TENM2: variants seen among roughly 807,000 people sequenced by gnomAD.
The protein encoded by TENM2 is teneurin-2.
TENM2 carries 52 observed loss-of-function variants against 245.2 expected under a neutral mutation model. That is an observed-to-expected ratio of 0.21 (90% CI 0.17 to 0.27). TENM2 has a LOEUF of 0.27. TENM2 is among the 10% of genes least tolerant of loss of function. The pLI is 1.00. For missense variants in TENM2, 3,046 were observed against 3,666.8 expected, an observed-to-expected ratio of 0.83 and a Z score of 4.37; for synonymous variants, 1,363 against 1,438.9, an observed-to-expected ratio of 0.95 and a Z score of 1.19.
At chr5:168,010,783 G>A (rs906131039) in intron 5 of TENM2, among the ~76,000 whole-genome samples, 4 of 152,232 alleles carry the variant, frequency 2.6e-5, no homozygotes, top group African/African-American at 4.8e-5. Flanking sequence ...TATAGTTTCC[G>A]TGTGGGAGAT....
chr5:167,478,224 A>G (rs1183789366), intron 2 of TENM2, among the ~76,000 whole-genome samples: 1 of 152,246 alleles, frequency 6.6e-6, no homozygotes, highest in Non-Finnish European at 1.5e-5. Context: ...AATCCAAATG[A>G]AAACATGGCT....
At chr5:167,958,620 T>G (rs1248810331) in intron 4 of TENM2, among the ~76,000 whole-genome samples, 1 of 152,180 alleles carries the variant, frequency 6.6e-6, no homozygotes, top group Non-Finnish European at 1.5e-5. Flanking sequence ...CTGGTACCAG[T>G]TTTTCCTTTC....
At chr5:168,109,951 G>A (rs1042795852) in intron 9 of TENM2, among the ~76,000 whole-genome samples, 3 of 151,794 alleles carry the variant, frequency 2.0e-5, no homozygotes, top group Non-Finnish European at 4.4e-5. Context: ...TCTCATGGCA[G>A]TTGCGTTACC....
chr5:168,178,871 A>G lies in TENM2; in HGVS notation c.2570-11466A>G, dbSNP rs1759594221. Among the ~76,000 whole-genome samples the G allele has an allele frequency of 2.0e-5, 3 of 152,130 alleles. No individual in the cohort carries two copies. The South Asian group carries it at 6.2e-4, about 31-fold the overall frequency. On this transcript the variant is annotated intron_variant, in intron 13 of 28. Coordinates refer to ENST00000518659, the Ensembl canonical transcript of TENM2. ...CCAGCACTTTAATTCCAGCACTGTA[A>G]TTCCAGAAGTCAAGAGGCTTCGGGA...
chr5:167,516,208 T>C (rs891079447), intron 2 of TENM2, among the ~76,000 whole-genome samples: 1 of 152,116 alleles, frequency 6.6e-6, no homozygotes, highest in African/African-American at 2.4e-5. Flanking sequence ...GTGACAGATA[T>C]CATCTAATTT....
At chr5:167,659,333 GGAA>G (rs773143202) in intron 2 of TENM2, among the ~76,000 whole-genome samples, 16 of 152,166 alleles carry the variant, frequency 1.1e-4, no homozygotes, top group Non-Finnish European at 1.9e-4. Flanking sequence ...AGCTTTGCAA[GGAA>G]GCATTCCACA....
At chr5:168,023,845 C>A (rs561004553) in intron 5 of TENM2, among the ~76,000 whole-genome samples, 1 of 152,086 alleles carries the variant, frequency 6.6e-6, no homozygotes, top group South Asian at 2.1e-4. Context: ...TGTGGAAAGG[C>A]GATTCTGCTA....
chr5:167,288,232 T>G (rs1754405177), intron 1 of TENM2, among the ~76,000 whole-genome samples: 1 of 152,100 alleles, frequency 6.6e-6, no homozygotes, highest in Admixed American at 6.5e-5. Context: ...TTTAGGTATA[T>G]TAAACAAACA....
Position 167,707,336 on chromosome 5 carries a change from T to C in TENM2, c.503-168650T>C, listed in dbSNP as rs143357366. On this transcript the variant is annotated intron_variant, in intron 2 of 28. Transcript: ENST00000518659. ...TTGGATATTAACCCTTTATCAGATATATGGTTTGCTAATATTTTCTTCCAT... is the reference window on the plus strand; with the variant it reads ...TTGGATATTAACCCTTTATCAGATACATGGTTTGCTAATATTTTCTTCCAT... Among the ~76,000 whole-genome samples, 368 of 152,328 alleles carry C rather than the reference T, an allele frequency of 2.4e-3. 2 individuals carry two copies. The highest frequency in any genetic ancestry group is 8.5e-3 in the African/African-American group (353 of 41,580).
chr5:167,586,993 A>G (rs989842224), intron 2 of TENM2, among the ~76,000 whole-genome samples: 1 of 152,214 alleles, frequency 6.6e-6, no homozygotes, highest in African/African-American at 2.4e-5. Flanking sequence ...GTCTGAGCTT[A>G]TTACAGTGTA....
chr5:167,315,237 A>G (rs1756289236), intron 1 of TENM2, among the ~76,000 whole-genome samples: 1 of 152,152 alleles, frequency 6.6e-6, no homozygotes, highest in Non-Finnish European at 1.5e-5. Flanking sequence ...CTACAGTTGT[A>G]ATTCAATGAC....
At chr5:168,116,735 A>G (rs1015833058) in intron 9 of TENM2, among the ~76,000 whole-genome samples, 1 of 152,206 alleles carries the variant, frequency 6.6e-6, no homozygotes, top group African/African-American at 2.4e-5. Flanking sequence ...TACCATAAAA[A>G]CTACATAGAA....
chr5:167,298,472 G>A (rs950999755), intron 1 of TENM2, among the ~76,000 whole-genome samples: 2 of 152,070 alleles, frequency 1.3e-5, no homozygotes, highest in Non-Finnish European at 2.9e-5. Context: ...GCGAGGTGGC[G>A]GGCGCCTGAA....
At chr5:167,896,457 G>C (rs937148904) in intron 3 of TENM2, among the ~76,000 whole-genome samples, 1 of 152,208 alleles carries the variant, frequency 6.6e-6, no homozygotes, top group African/African-American at 2.4e-5. Flanking sequence ...GAGAACTCAT[G>C]GTTGAGACAT....
At chr5:167,931,287 C>G (rs864789) in intron 3 of TENM2, among the ~76,000 whole-genome samples, 40,522 of 152,048 alleles carry the variant, frequency 0.27, 6,366 homozygotes, top group African/African-American at 0.45. Flanking sequence ...CTTTTCTCAT[C>G]AGAAATGGAG....
chr5:167,164,529 G>A, the TENM2 span, among the ~76,000 whole-genome samples: 1 of 152,158 alleles, frequency 6.6e-6, no homozygotes, highest in Admixed American at 6.5e-5. Flanking sequence ...AAGTATTTAG[G>A]AATATGAGGG....
At chr5:167,587,180 C>T (rs746347746) in intron 2 of TENM2, among the ~76,000 whole-genome samples, 1 of 152,190 alleles carries the variant, frequency 6.6e-6, no homozygotes, top group Non-Finnish European at 1.5e-5. Flanking sequence ...CCTTATCACT[C>T]ACTGAGGTTT....
chr5:167,513,441 C>A (rs527764955), intron 2 of TENM2, among the ~76,000 whole-genome samples: 1 of 152,210 alleles, frequency 6.6e-6, no homozygotes, highest in African/African-American at 2.4e-5. Context: ...TTAAAGTGCC[C>A]GGTTTTATAA....
At chr5:167,192,379 C>G in the TENM2 span, among the ~76,000 whole-genome samples, 1 of 152,078 alleles carries the variant, frequency 6.6e-6, no homozygotes, top group Non-Finnish European at 1.5e-5. Flanking sequence ...AGAGGCAAAG[C>G]ATGGTGTGGA....
Sources: gnomAD v4.1 joint callset for allele counts (sites outside exome capture counted in the v4.1 genomes callset) on GRCh38, gnomAD v4.1.1 for gene constraint, MANE v1.5 for transcripts, NCBI Gene and HGNC (gene_info 2026-07-23, HGNC 2026-07-21) for gene names.